NEBL: variants seen among roughly 807,000 people sequenced by gnomAD.
NEBL encodes LIM and SH3 protein 2.
A neutral mutation model predicts 140.2 loss-of-function variants in NEBL; 122 were observed. That is an observed-to-expected ratio of 0.87 (90% confidence interval 0.75 to 1.01). The LOEUF is 1.01. NEBL is among the 50% of genes least tolerant of loss of function. The pLI is 0.00. For missense variants in NEBL, 1,365 were observed against 1,231.3 expected, an observed-to-expected ratio of 1.11 and a Z score of -1.62; for synonymous variants, 436 against 398.9, an observed-to-expected ratio of 1.09 and a Z score of -1.11.
chr10:21,055,745 A>T (rs1320685268), intron 2 of NEBL, among the ~76,000 whole-genome samples: 1 of 152,028 alleles, frequency 6.6e-6, no homozygotes, highest in Non-Finnish European at 1.5e-5. Flanking sequence ...CTGCCACCCA[A>T]CTCCGTGACA....
At chr10:21,166,149 G>A (rs923464716) in intron 2 of NEBL, among the ~76,000 whole-genome samples, 1 of 149,464 alleles carries the variant, frequency 6.7e-6, no homozygotes, top group African/African-American at 2.5e-5. Flanking sequence ...CAATCCGGGA[G>A]GCGGAGCTTG....
At chr10:20,807,992 A>C (rs138736457) in intron 26 of NEBL, among the ~76,000 whole-genome samples, 1 of 152,022 alleles carries the variant, frequency 6.6e-6, no homozygotes, top group East Asian at 1.9e-4. Context: ...AAAAAAAAAA[A>C]AAAACCCTCT....
chr10:20,993,903 G>A (rs1201937167), intron 3 of NEBL, among the ~76,000 whole-genome samples: 1 of 152,144 alleles, frequency 6.6e-6, no homozygotes, highest in African/African-American at 2.4e-5. Flanking sequence ...GTTTATCACA[G>A]CTTAACAGGC....
chr10:20,838,972 G>A (rs886580380), intron 13 of NEBL, among the ~76,000 whole-genome samples: 4 of 152,098 alleles, frequency 2.6e-5, no homozygotes, highest in East Asian at 1.9e-4. Flanking sequence ...AAGTTCATGC[G>A]AATCACTTTA....
intron 4 of NEBL, among the ~76,000 whole-genome samples, chr10:20,913,412 A>C (rs1848412028): frequency 6.6e-6 from 1 of 152,236 alleles, no homozygotes. Flanking sequence ...CTCAAAAACC[A>C]GACCACTTTA....
At chr10:21,112,769 T>C (rs914209872) in intron 2 of NEBL, 1 of 160,644 alleles carries the variant, frequency 6.2e-6, no homozygotes, top group Non-Finnish European at 1.3e-5. Context: ...AAGAAAAAAA[T>C]TGAAAATGTC....
At chr10:21,283,387 T>C (rs1470686512) in intron 1 of NEBL, among the ~76,000 whole-genome samples, 4 of 152,188 alleles carry the variant, frequency 2.6e-5, no homozygotes, top group African/African-American at 9.6e-5. Context: ...CAGCAGCCCT[T>C]GGGGCTGCCC....
intron 1 of NEBL, among the ~76,000 whole-genome samples, chr10:21,275,934 G>T (rs1842917759): frequency 6.8e-6 from 1 of 147,914 alleles, no homozygotes; most frequent in Non-Finnish European, 1.5e-5. Context: ...CTGGGATTGG[G>T]ATTACAGGAG....
intron 3 of NEBL, among the ~76,000 whole-genome samples, chr10:21,001,081 C>G: frequency 6.6e-6 from 1 of 152,116 alleles, no homozygotes; most frequent in East Asian, 1.9e-4. Context: ...TAGATCCTCC[C>G]TTCTCCACAG....
At chr10:21,263,497 G>T (rs1842764286) in intron 1 of NEBL, among the ~76,000 whole-genome samples, 2 of 152,152 alleles carry the variant, frequency 1.3e-5, no homozygotes, top group African/African-American at 4.8e-5. Flanking sequence ...CTTTGTCCGT[G>T]ACCAGGTCAC....
chr10:20,898,927 T>A (rs1264780643), upstream of NEBL, among the ~76,000 whole-genome samples: 2 of 152,148 alleles, frequency 1.3e-5, no homozygotes, highest in South Asian at 4.1e-4. Flanking sequence ...GAGCTGTTGG[T>A]CTTGAACTAG....
chr10:21,153,674 A>T (rs1305527742), intron 2 of NEBL, among the ~76,000 whole-genome samples: 4 of 151,972 alleles, frequency 2.6e-5, no homozygotes, highest in Non-Finnish European at 5.9e-5. Context: ...CACCACCACA[A>T]CCAGCTAATT....
intron 4 of NEBL, among the ~76,000 whole-genome samples, chr10:20,926,618 T>C (rs1448044621): frequency 3.3e-5 from 5 of 152,192 alleles, no homozygotes; most frequent in African/African-American, 1.2e-4. Flanking sequence ...AGGAAAGAAA[T>C]CTGTCCCTCA....
chr10:21,069,319 C>T (rs907126070), intron 2 of NEBL, among the ~76,000 whole-genome samples: 3 of 152,200 alleles, frequency 2.0e-5, no homozygotes, highest in Non-Finnish European at 4.4e-5. Flanking sequence ...GAAATGGGGC[C>T]GTTTATGGCA....
chr10:21,231,864 T>C (rs1426994751), intron 3 of NEBL, among the ~76,000 whole-genome samples: 8 of 151,444 alleles, frequency 5.3e-5, no homozygotes, highest in Non-Finnish European at 1.2e-4. Flanking sequence ...CCAAGGACAC[T>C]TCAGAAAAAA....
chr10:20,958,163 G>A (rs1395709462), intron 4 of NEBL, among the ~76,000 whole-genome samples: 2 of 152,076 alleles, frequency 1.3e-5, no homozygotes, highest in Admixed American at 6.5e-5. Context: ...CACAGAAAAG[G>A]GTGTTTCATT....
At chr10:20,919,940 C>T (rs1021845719) in intron 4 of NEBL, among the ~76,000 whole-genome samples, 2 of 149,116 alleles carry the variant, frequency 1.3e-5, no homozygotes, top group Non-Finnish European at 3.0e-5. Flanking sequence ...GCTAAGAGTC[C>T]TAATATAAAA....
intron 6 of NEBL, among the ~76,000 whole-genome samples, chr10:20,869,132 C>A (rs189876992): frequency 1.3e-4 from 20 of 152,224 alleles, no homozygotes; most frequent in Non-Finnish European, 5.9e-5. Context: ...ACTGTTCTGG[C>A]CATACTTGAT....
chr10:21,269,103 C>T (rs1842831933), intron 1 of NEBL, among the ~76,000 whole-genome samples: 1 of 152,202 alleles, frequency 6.6e-6, no homozygotes, highest in African/African-American at 2.4e-5. Flanking sequence ...CCATTTCCTG[C>T]TGGGCACAAC....
Sources: allele counts gnomAD v4.1 joint callset (sites outside exome capture counted in the v4.1 genomes callset), GRCh38; gene constraint gnomAD v4.1.1; transcripts MANE v1.5; gene names NCBI Gene and HGNC (gene_info 2026-07-23, HGNC 2026-07-21).